CAMTA1: variants seen among roughly 807,000 people sequenced by gnomAD.
CAMTA1 encodes the protein calmodulin binding transcription activator 1, also known as calmodulin-binding transcription activator 1.
A neutral mutation model predicts 170.9 loss-of-function variants in CAMTA1; 27 were observed. The observed-to-expected ratio is 0.16, with a 90% CI of 0.12 to 0.22. The LOEUF is 0.22. Ranked by LOEUF, CAMTA1 falls within the 10% of genes least tolerant of loss-of-function variation. CAMTA1 has a pLI of 1.00. For missense variants in CAMTA1, 1,619 were observed against 2,217.2 expected, an observed-to-expected ratio of 0.73 and a Z score of 5.42; for synonymous variants, 833 against 891.5, an observed-to-expected ratio of 0.93 and a Z score of 1.17.
intron 4 of CAMTA1, among the ~76,000 whole-genome samples, chr1:7,164,060 C>T (rs571440394): frequency 6.6e-6 from 1 of 152,324 alleles, no homozygotes; most frequent in East Asian, 1.9e-4. Context: ...GATGCCATCA[C>T]AATGCCAGGA....
At chr1:7,701,353 C>T (rs2096437713) in intron 11 of CAMTA1, among the ~76,000 whole-genome samples, 3 of 152,194 alleles carry the variant, frequency 2.0e-5, no homozygotes, top group South Asian at 4.1e-4. Context: ...GGATCCACCC[C>T]CTGGGTTCAT....
intron 3 of CAMTA1, among the ~76,000 whole-genome samples, chr1:7,033,687 G>A (rs749197011): frequency 7.0e-5 from 10 of 143,662 alleles, no homozygotes; most frequent in Non-Finnish European, 1.0e-4. Context: ...TCCGCCTCCC[G>A]GGTTCAAGCG....
intron 5 of CAMTA1, among the ~76,000 whole-genome samples, chr1:7,434,472 CAT>C (rs1424982217): frequency 6.6e-6 from 1 of 151,904 alleles, no homozygotes; most frequent in African/African-American, 2.4e-5. Flanking sequence ...TTCATTCATT[CAT>C]TCATTCAGAT....
intron 3 of CAMTA1, among the ~76,000 whole-genome samples, chr1:7,018,125 GGCT>G (rs375941895): frequency 1.1e-5 from 1 of 87,600 alleles, no homozygotes; most frequent in African/African-American, 4.6e-5. Context: ...CACCACGCCT[GGCT>G]AATGCCAGGG....
At chr1:7,750,096 A>G (rs144182188) in intron 19 of CAMTA1, among the ~76,000 whole-genome samples, 95 of 152,276 alleles carry the variant, frequency 6.2e-4, no homozygotes, top group South Asian at 2.9e-3. Flanking sequence ...CTGTGGCCCG[A>G]TGGGTCTGAG....
chr1:7,628,737 G>A (rs576870091), intron 6 of CAMTA1, among the ~76,000 whole-genome samples: 1 of 152,378 alleles, frequency 6.6e-6, no homozygotes, highest in Non-Finnish European at 1.5e-5. Flanking sequence ...GCAGAAGTGG[G>A]GCGCACGTGC....
At chr1:7,244,524 A>T (rs966090272) in intron 4 of CAMTA1, among the ~76,000 whole-genome samples, 4 of 152,264 alleles carry the variant, frequency 2.6e-5, no homozygotes, top group African/African-American at 9.6e-5. Context: ...GGATTAAGAA[A>T]ATGTGGCACA....
At chr1:6,846,151 G>A (rs1658036767) in intron 3 of CAMTA1, among the ~76,000 whole-genome samples, 1 of 152,168 alleles carries the variant, frequency 6.6e-6, no homozygotes. Flanking sequence ...GGTGAGATTT[G>A]GGTGGGGACA....
chr1:7,351,479 C>G (rs1007073223), intron 5 of CAMTA1, among the ~76,000 whole-genome samples: 1 of 152,244 alleles, frequency 6.6e-6, no homozygotes, highest in Non-Finnish European at 1.5e-5. Context: ...GTCCCACCAT[C>G]CAGGAACTGT....
At chr1:7,601,911 G>A (rs1048911653) in intron 6 of CAMTA1, among the ~76,000 whole-genome samples, 6 of 151,282 alleles carry the variant, frequency 4.0e-5, no homozygotes, top group African/African-American at 1.5e-4. Context: ...GCTTTGGCTC[G>A]GCATCAGGAG....
At chr1:7,763,135 G>A (rs1467271166) in intron 22 of CAMTA1, among the ~76,000 whole-genome samples, 1 of 152,166 alleles carries the variant, frequency 6.6e-6, no homozygotes. Flanking sequence ...ATAAATCTCA[G>A]ATTCTGCATT....
chr1:6,807,635 G>A (rs1275583872), intron 1 of CAMTA1, among the ~76,000 whole-genome samples: 8 of 151,494 alleles, frequency 5.3e-5, no homozygotes, highest in African/African-American at 1.7e-4. Context: ...CAGGAGAATC[G>A]CTTGAATCCA....
At chr1:7,497,753 G>A (rs1420855778) in intron 6 of CAMTA1, among the ~76,000 whole-genome samples, 1 of 152,238 alleles carries the variant, frequency 6.6e-6, no homozygotes, top group Non-Finnish European at 1.5e-5. Flanking sequence ...AGCCATGACG[G>A]CAGGAGAGAG....
At chr1:7,696,029 C>T (rs138775587) in intron 11 of CAMTA1, among the ~76,000 whole-genome samples, 1,764 of 152,266 alleles carry the variant, frequency 0.012, 16 homozygotes, top group Middle Eastern at 0.075. Flanking sequence ...GGACAACTTT[C>T]CAGCTCTCAT....
chr1:7,130,340 A>G (rs1052025198), intron 4 of CAMTA1, among the ~76,000 whole-genome samples: 1 of 152,216 alleles, frequency 6.6e-6, no homozygotes, highest in African/African-American at 2.4e-5. Flanking sequence ...ATTCCGTTTT[A>G]TAGATATGCC....
In CAMTA1 at chr1:7,300,824, A is replaced by G. The variant is rs1574522687; in HGVS notation, c.438+51198A>G. On this transcript the variant is annotated intron_variant, in intron 5 of 22. Transcript: ENST00000303635. This position sits in a 1 kb window ranked among gnomAD's most constrained non-coding sequence, Gnocchi z 4.1. ...TTTAAAGTGATTCCAGAGCAACTTT[A>G]TTTCCATAGTCTGTGTTGCACTCAA... 6.6e-6 allele frequency among the ~76,000 whole-genome samples: 1 copy of G among 152,190 alleles called. No individual in the cohort carries two copies. The highest frequency in any genetic ancestry group is 1.5e-5 in the Non-Finnish European group (1 of 68,032).
At chr1:7,696,371 T>C (rs2096376408) in intron 11 of CAMTA1, among the ~76,000 whole-genome samples, 1 of 152,064 alleles carries the variant, frequency 6.6e-6, no homozygotes, top group East Asian at 1.9e-4. Flanking sequence ...CTTTTTTGTA[T>C]TTTTAGTAGA....
At position 7,117,542 on chromosome 1, in the gene CAMTA1, A is replaced by G. The variant is rs1320767326; in HGVS notation, c.302+26171A>G. ...GGGGTAACCACTCCTGCCATGGATG[A>G]CTTCCAGTTACCAGTGATTAAATAA... On this transcript the variant is annotated intron_variant, in intron 4 of 22. Transcript: ENST00000303635. Among the ~76,000 whole-genome samples, 9 of 152,074 alleles carry G rather than the reference A, an allele frequency of 5.9e-5. 1 individual carries two copies. Among genetic ancestry groups the G allele is most frequent in the African/African-American group, 2.2e-4 (9 of 41,398 alleles).
At chr1:7,691,031 C>A (rs932696297) in intron 11 of CAMTA1, among the ~76,000 whole-genome samples, 5 of 152,228 alleles carry the variant, frequency 3.3e-5, no homozygotes, top group African/African-American at 1.2e-4. Context: ...CTGCAGTCAA[C>A]GAGCTTCCCG....
Sources: gnomAD v4.1 joint callset for allele counts (sites outside exome capture counted in the v4.1 genomes callset) on GRCh38, gnomAD v4.1.1 for gene constraint, Gnocchi (gnomAD v3.1) non-coding constraint, MANE v1.5 for transcripts, NCBI Gene and HGNC (gene_info 2026-07-23, HGNC 2026-07-21) for gene names.